APMAP: variants seen among roughly 807,000 people sequenced by gnomAD.
APMAP encodes the protein adipocyte plasma membrane associated protein.
A neutral mutation model predicts 43.6 loss-of-function variants in APMAP; 33 were observed. That is an observed-to-expected ratio of 0.76 (90% confidence interval 0.57 to 1.01). The LOEUF is 1.01. Ranked by LOEUF, APMAP falls within the 50% of genes least tolerant of loss-of-function variation. The pLI is 0.00. For synonymous variants in APMAP, 224 were observed against 216.7 expected, an observed-to-expected ratio of 1.03 and a Z score of -0.30; for missense variants, 498 against 540.7, an observed-to-expected ratio of 0.92 and a Z score of 0.78.
chr20:24,973,844 G>C, intron 3 of APMAP, 107 bp from the exon 4 acceptor site: 1 of 883,896 alleles, frequency 1.1e-6, no homozygotes, highest in East Asian at 2.7e-5. Context: ...CTGCCCTATA[G>C]AGGAAATGCC....
chr20:24,964,398 C>T (rs1402638610), intron 8 of APMAP: 1 of 494,854 alleles, frequency 2.0e-6, no homozygotes, highest in Non-Finnish European at 4.1e-6. Context: ...GCGCAGCTTC[C>T]CTGGAATACA....
chr20:24,978,739 C>G, intron 3 of APMAP, 28 bp downstream of exon 3: 7 of 1,081,238 alleles, frequency 6.5e-6, no homozygotes, highest in Non-Finnish European at 9.4e-6. Context: ...GCCTGGAAGG[C>G]TCCCCCCCCA....
At chr20:24,984,149 C>G in intron 1 of APMAP, 130 bp from the exon 2 acceptor site, 1 of 647,922 alleles carries the variant, frequency 1.5e-6, no homozygotes. Flanking sequence ...TGGCCGACCT[C>G]TGGCTTGTGA....
intron 4 of APMAP, among the ~76,000 whole-genome samples, chr20:24,972,010 A>G (rs1212179599): frequency 6.2e-4 from 62 of 100,100 alleles, no homozygotes; most frequent in South Asian, 2.5e-3. Flanking sequence ...GGTGCTCACT[A>G]CAGGTGCTTA....
At position 24,964,032 on chromosome 20, in the gene APMAP, A is replaced by T; in HGVS notation, c.1042-10T>A. 6.2e-7 allele frequency: 1 copy of T among 1,613,874 alleles called. No individual in the cohort carries two copies. Among genetic ancestry groups the T allele is most frequent in the Non-Finnish European group, 8.5e-7 (1 of 1,179,802 alleles). ...TCTCTTGACTAAAGAGCTAGAGGGA[A>T]GCACAGTGCAGGGAAAGTTCACCAG... is the stretch of plus-strand genomic sequence containing the variant. On this transcript the variant is annotated splice_polypyrimidine_tract_variant and intron_variant, in intron 8 of 8. Transcript: ENST00000217456.
intron 5 of APMAP, among the ~76,000 whole-genome samples, chr20:24,971,065 A>G (rs1403941321): frequency 6.6e-6 from 1 of 152,224 alleles, no homozygotes; most frequent in Non-Finnish European, 1.5e-5. Context: ...GAAGAGGAGG[A>G]ACTACAGGAG....
At chr20:24,989,720 C>T (rs2088175781) in intron 1 of APMAP, among the ~76,000 whole-genome samples, 1 of 152,086 alleles carries the variant, frequency 6.6e-6, no homozygotes, top group Non-Finnish European at 1.5e-5. Context: ...ATCAATTTAT[C>T]CTTGAAAAAA....
intron 1 of APMAP, among the ~76,000 whole-genome samples, chr20:24,988,422 A>G (rs2088166019): frequency 6.6e-6 from 1 of 152,344 alleles, no homozygotes; most frequent in South Asian, 2.1e-4. Context: ...TGTCCCAAAC[A>G]AAAAGTCCAG....
chr20:24,973,324 C>T (rs1467468156), intron 4 of APMAP, among the ~76,000 whole-genome samples: 1 of 152,214 alleles, frequency 6.6e-6, no homozygotes, highest in East Asian at 1.9e-4. Flanking sequence ...ACTGTGATAA[C>T]ACCTATTAGC....
chr20:24,970,135 T>C, intron 6 of APMAP, 62 bp downstream of exon 6: 1 of 1,585,678 alleles, frequency 6.3e-7, no homozygotes, highest in East Asian at 2.2e-5. Context: ...TAACAGGCTC[T>C]GCTGAAGCAA....
chr20:24,978,356 T>C (rs1223880637), intron 3 of APMAP, among the ~76,000 whole-genome samples: 3 of 152,182 alleles, frequency 2.0e-5, no homozygotes, highest in South Asian at 4.1e-4. Context: ...AGTGGAAATA[T>C]TGAGAACCAT....
intron 2 of APMAP, among the ~76,000 whole-genome samples, chr20:24,982,829 G>T (rs2122520819): frequency 6.8e-6 from 1 of 147,832 alleles, no homozygotes; most frequent in African/African-American, 2.6e-5. Flanking sequence ...ACACATCAGG[G>T]GACCCCCCCC....
chr20:24,972,070 G>A (rs369774517), intron 4 of APMAP, among the ~76,000 whole-genome samples: 157 of 148,934 alleles, frequency 1.1e-3, no homozygotes, highest in African/African-American at 3.9e-3. Flanking sequence ...ATTGTAGGGT[G>A]TTCACTGTGG....
chr20:24,986,461 C>G (rs2088147923), intron 1 of APMAP, among the ~76,000 whole-genome samples: 1 of 152,196 alleles, frequency 6.6e-6, no homozygotes, highest in South Asian at 2.1e-4. Context: ...CCTCCCAGTC[C>G]TGTCTCCAAA....
At chr20:24,972,787 C>T (rs559419311) in intron 4 of APMAP, among the ~76,000 whole-genome samples, 1 of 151,064 alleles carries the variant, frequency 6.6e-6, no homozygotes, top group African/African-American at 2.4e-5. Context: ...CTGTAGGGTG[C>T]TCACCATGGG....
chr20:24,987,454 G>C lies in APMAP; in HGVS notation c.96-3435C>G, dbSNP rs2088157353. On this transcript the variant is annotated intron_variant, in intron 1 of 8. Coordinates refer to ENST00000217456, the MANE Select transcript of APMAP (RefSeq NM_020531.3). The stretch of plus-strand genomic sequence containing the variant: ...CCACTCATCTGCTGAACATTTGTGT[G>C]GGAGGGGGAAATGGGAGTGATTACT... 2.6e-5 allele frequency among the ~76,000 whole-genome samples: 4 copies of C among 152,192 alleles called. No homozygotes were observed. In the South Asian group the frequency reaches 8.3e-4, roughly 32 times the overall value.
chr20:24,971,658 T>A, intron 4 of APMAP, 82 bp from the exon 5 acceptor site: 1 of 1,101,176 alleles, frequency 9.1e-7, no homozygotes, highest in Non-Finnish European at 1.4e-6. Flanking sequence ...ATCTCATCCA[T>A]CCCTTCCCAT....
At chr20:24,985,207 G>A (rs2088137004) in intron 1 of APMAP, among the ~76,000 whole-genome samples, 1 of 152,192 alleles carries the variant, frequency 6.6e-6, no homozygotes, top group African/African-American at 2.4e-5. Context: ...GTTGGGCAGG[G>A]TAACTTCCTG....
intron 1 of APMAP, among the ~76,000 whole-genome samples, chr20:24,984,685 T>C (rs2088132839): frequency 6.6e-6 from 1 of 152,242 alleles, no homozygotes; most frequent in African/African-American, 2.4e-5. Context: ...TCCTGAACCC[T>C]TGGGAAGATA....
Sources: gnomAD v4.1 joint callset for allele counts (sites outside exome capture counted in the v4.1 genomes callset) on GRCh38, gnomAD v4.1.1 for gene constraint, MANE v1.5 for transcripts, NCBI Gene and HGNC (gene_info 2026-07-23, HGNC 2026-07-21) for gene names.